LRRC28: variants seen among roughly 807,000 people sequenced by gnomAD.
LRRC28 encodes the protein leucine-rich repeat-containing protein 28.
LRRC28 carries 39 observed loss-of-function variants against 45.7 expected under a neutral mutation model. The ratio of observed to expected loss-of-function variants is 0.85; its 90% CI spans 0.66 to 1.12. The LOEUF (loss-of-function observed/expected upper bound fraction) is 1.12, where lower values mean the gene tolerates loss of function less well. Ranked by LOEUF, LRRC28 falls within the 50% of genes most tolerant of loss-of-function variation. The pLI, the probability that LRRC28 is intolerant of heterozygous loss-of-function variation, is 0.00. For synonymous variants in LRRC28, 206 were observed against 178.8 expected, an observed-to-expected ratio of 1.15 and a Z score of -1.22; for missense variants, 435 against 438.5, an observed-to-expected ratio of 0.99 and a Z score of 0.07.
chr15:99,340,099 C>G (rs959887307), intron 6 of LRRC28, among the ~76,000 whole-genome samples: 1 of 152,220 alleles, frequency 6.6e-6, no homozygotes, highest in African/African-American at 2.4e-5. Flanking sequence ...TAGCGTGATT[C>G]TACCACTCCT....
chr15:99,334,073 T>C lies in LRRC28; in HGVS notation c.536T>C (p.Leu179Pro). Residue 179 changes from leucine to proline, a missense_variant, in exon 6 of 10, where the codon CTG (leucine) becomes CCG (proline). Physicochemically the swap from Leu to Pro is moderately conservative, Grantham distance 98 (BLOSUM62 -3). Coordinates refer to ENST00000301981, the MANE Select transcript of LRRC28 (RefSeq NM_144598.5). ...LWYVPRHLCQLPSLNELSMAG... is the reference protein window; with the variant it reads ...LWYVPRHLCQPPSLNELSMAG... ...TATGTGCCGCGCCATCTCTGCCAGC[T>C]GCCCAGCCTCAATGAGCTCTCCATG... 1 of 1,614,180 alleles carries C rather than the reference T, an allele frequency of 6.2e-7. No homozygotes were observed. Among genetic ancestry groups the C allele is most frequent in the Non-Finnish European group, 8.5e-7 (1 of 1,180,010 alleles).
chr15:99,264,090 C>T (rs747149142), intron 2 of LRRC28, among the ~76,000 whole-genome samples: 1 of 152,234 alleles, frequency 6.6e-6, no homozygotes, highest in Non-Finnish European at 1.5e-5. Flanking sequence ...GGGTGCTGCT[C>T]ATAGGCCTAG....
intron 7 of LRRC28, among the ~76,000 whole-genome samples, chr15:99,352,744 T>C (rs750529495): frequency 5.9e-5 from 9 of 152,144 alleles, no homozygotes; most frequent in Non-Finnish European, 1.0e-4. Context: ...TGAGGTAGAG[T>C]TGACAAATAA....
intron 3 of LRRC28, among the ~76,000 whole-genome samples, chr15:99,284,172 C>A (rs145137894): frequency 6.6e-6 from 1 of 152,136 alleles, no homozygotes; most frequent in Non-Finnish European, 1.5e-5. Flanking sequence ...GGTTGTACAT[C>A]AGGATTATTT....
At chr15:99,358,485 A>T (rs188632588) in intron 7 of LRRC28, among the ~76,000 whole-genome samples, 21 of 148,716 alleles carry the variant, frequency 1.4e-4, no homozygotes, top group African/African-American at 5.2e-4. Flanking sequence ...GCAAGAAAAA[A>T]ATTGAACAAT....
chr15:99,267,859 T>G (rs2081372036), intron 2 of LRRC28, among the ~76,000 whole-genome samples: 1 of 152,188 alleles, frequency 6.6e-6, no homozygotes, highest in Admixed American at 6.5e-5. Flanking sequence ...ATTAAGAAAC[T>G]CAAGCCTCTC....
chr15:99,300,905 G>T (rs1384057693), intron 5 of LRRC28, among the ~76,000 whole-genome samples: 1 of 152,210 alleles, frequency 6.6e-6, no homozygotes, highest in Non-Finnish European at 1.5e-5. Flanking sequence ...TATGATTTCT[G>T]TGGTGCTATT....
chr15:99,315,550 A>G (rs1304108000), intron 5 of LRRC28, among the ~76,000 whole-genome samples: 3 of 152,228 alleles, frequency 2.0e-5, no homozygotes, highest in Non-Finnish European at 2.9e-5. Flanking sequence ...ATTTTGAAAC[A>G]ATTAGAGACT....
chr15:99,262,526 G>A (rs952720076), intron 2 of LRRC28, among the ~76,000 whole-genome samples: 3 of 152,184 alleles, frequency 2.0e-5, no homozygotes, highest in African/African-American at 7.2e-5. Context: ...AGGTTGCAGT[G>A]AGCTGCAATT....
intron 6 of LRRC28, among the ~76,000 whole-genome samples, chr15:99,347,482 C>T (rs543624766): frequency 3.3e-5 from 5 of 152,224 alleles, no homozygotes; most frequent in Non-Finnish European, 7.3e-5. Flanking sequence ...GCTGGGATTA[C>T]AGGCATGGAG....
intron 5 of LRRC28, among the ~76,000 whole-genome samples, chr15:99,327,336 T>G (rs1005742305): frequency 2.0e-5 from 3 of 152,188 alleles, no homozygotes; most frequent in African/African-American, 7.2e-5. Context: ...CCCAAAATGC[T>G]GGGATTATAG....
At chr15:99,345,316 A>C (rs568568673) in intron 6 of LRRC28, among the ~76,000 whole-genome samples, 2 of 152,248 alleles carry the variant, frequency 1.3e-5, no homozygotes, top group East Asian at 3.9e-4. Flanking sequence ...TCTGAAAGAC[A>C]AATCTGAGAC....
At chr15:99,354,854 T>C (rs554889300) in intron 7 of LRRC28, among the ~76,000 whole-genome samples, 11 of 152,356 alleles carry the variant, frequency 7.2e-5, no homozygotes, top group Non-Finnish European at 1.5e-4. Flanking sequence ...AAGAACAGTT[T>C]CTGCTGTGCT....
chr15:99,387,187 A>T lies in LRRC28; in HGVS notation c.*1085A>T, dbSNP rs867677930. On this transcript the variant is annotated 3_prime_UTR_variant, in exon 10 of 10. Coordinates refer to ENST00000301981, the MANE Select transcript of LRRC28 (RefSeq NM_144598.5). ...GCCATTCTCCTGCCTCAGCCTCCCA[A>T]GTAGCTGGGACCACAGGCGCCCGCC... 2 of 143,758 alleles carry T rather than the reference A, an allele frequency of 1.4e-5. No individual in the cohort carries two copies. Among genetic ancestry groups the T allele is most frequent in the Admixed American group, 7.2e-5 (1 of 13,978 alleles). The allele number at this position is 143,758 out of a possible 1,614,324, so 8.9% of individuals were successfully genotyped here.
At chr15:99,272,078 G>T (rs2081496596) in intron 2 of LRRC28, among the ~76,000 whole-genome samples, 1 of 152,140 alleles carries the variant, frequency 6.6e-6, no homozygotes, top group African/African-American at 2.4e-5. Flanking sequence ...TGAGATAGTG[G>T]TCCAAATTCA....
chr15:99,325,965 A>G (rs1322484502), intron 5 of LRRC28, among the ~76,000 whole-genome samples: 2 of 152,152 alleles, frequency 1.3e-5, no homozygotes, highest in Non-Finnish European at 2.9e-5. Context: ...AAGACGACCA[A>G]TGGGAAGGCT....
chr15:99,365,906 C>T (rs1957327101), intron 9 of LRRC28, among the ~76,000 whole-genome samples: 1 of 152,108 alleles, frequency 6.6e-6, no homozygotes, highest in South Asian at 2.1e-4. Flanking sequence ...ACTTTTGATC[C>T]TGTAGGCATA....
rs529836708 is a variant in LRRC28 at position 99,387,142 on chromosome 15, G to T, written c.*1040G>T. The T allele has an allele frequency of 2.0e-5, 3 of 150,216 alleles. No homozygotes were observed. Among genetic ancestry groups the T allele is most frequent in the Admixed American group, 6.6e-5 (1 of 15,048 alleles). The allele number at this position is 150,216 out of a possible 1,614,324, so 9.3% of individuals were successfully genotyped here. On this transcript the variant is annotated 3_prime_UTR_variant, in exon 10 of 10. Transcript: ENST00000301981. ...GTGGCGGGATCTCGGCTCACTGCAA[G>T]CTCCGCCTCCCGGGTTCACGCCATT...
At chr15:99,264,419 A>G (rs1296548352) in intron 2 of LRRC28, among the ~76,000 whole-genome samples, 1 of 152,208 alleles carries the variant, frequency 6.6e-6, no homozygotes, top group East Asian at 1.9e-4. Flanking sequence ...ACTAGAGAAT[A>G]AAGAAGAGGG....
Sources: allele counts gnomAD v4.1 joint callset (sites outside exome capture counted in the v4.1 genomes callset), GRCh38; gene constraint gnomAD v4.1.1; transcripts MANE v1.5; gene names NCBI Gene and HGNC (gene_info 2026-07-23, HGNC 2026-07-21).